Variants in DLGAP2 observed in about 807,000 individuals in gnomAD.
DLGAP2 encodes DLG associated protein 2.
In DLGAP2, 26 loss-of-function variants were observed where a neutral mutation model predicts 100.3. The observed-to-expected ratio is 0.26, with a 90% CI of 0.19 to 0.36. DLGAP2 has a LOEUF of 0.36. DLGAP2 is among the 10% of genes least tolerant of loss of function. DLGAP2 has a pLI of 1.00. For synonymous variants in DLGAP2, 886 were observed against 630.1 expected (o/e 1.41, Z -6.08); for missense variants, 1,858 against 1,453.2 (o/e 1.28, Z -4.53).
chr8:955,313 C>A (rs996851168), intron 2 of DLGAP2, among the ~76,000 whole-genome samples: 1 of 152,064 alleles, frequency 6.6e-6, no homozygotes, highest in African/African-American at 2.4e-5. Context: ...CATAGTATCC[C>A]CCTTACAGCT....
At chr8:1,310,850 A>G (rs138188431) in intron 3 of DLGAP2, among the ~76,000 whole-genome samples, 154 of 152,298 alleles carry the variant, frequency 1.0e-3, no homozygotes, top group Admixed American at 2.4e-3. Context: ...CATTTTAGCC[A>G]CAGTGACATT....
chr8:1,502,880 A>G (rs1216169098), intron 4 of DLGAP2, among the ~76,000 whole-genome samples: 1 of 152,174 alleles, frequency 6.6e-6, no homozygotes, highest in South Asian at 2.1e-4. Flanking sequence ...CTGGGGCAGC[A>G]GGAGGTACCT....
At chr8:1,537,722 A>AAAGGAAGGAAGG (rs1304358970) in intron 4 of DLGAP2, among the ~76,000 whole-genome samples, 1 of 121,338 alleles carries the variant, frequency 8.2e-6, no homozygotes, top group African/African-American at 3.1e-5. Context: ...TGGATGGATG[A>AAAGGAAGGAAGG]AAGGATGGAA....
chr8:1,408,167 C>T (rs740237), intron 3 of DLGAP2, among the ~76,000 whole-genome samples: 39,377 of 152,158 alleles, frequency 0.26, 5,217 homozygotes, highest in Middle Eastern at 0.35. Flanking sequence ...GCATCTCCAG[C>T]TAGCATTTTA....
chr8:1,458,150 C>G (rs1263719268), intron 3 of DLGAP2, among the ~76,000 whole-genome samples: 1 of 151,502 alleles, frequency 6.6e-6, no homozygotes, highest in Admixed American at 6.6e-5. Flanking sequence ...TCGTGATCCA[C>G]CCGCCTCGGC....
chr8:882,431 G>C (rs1377569326), intron 1 of DLGAP2, among the ~76,000 whole-genome samples: 1 of 138,020 alleles, frequency 7.2e-6, no homozygotes, highest in African/African-American at 2.7e-5. Flanking sequence ...ACCCTCGCCT[G>C]ATCCAGCGGT....
chr8:794,946 G>T (rs1455485952), intron 1 of DLGAP2, among the ~76,000 whole-genome samples: 1 of 152,172 alleles, frequency 6.6e-6, no homozygotes, highest in African/African-American at 2.4e-5. Context: ...TGTGTTATGC[G>T]TGTGGCTTGT....
chr8:919,094 C>A (rs1041737616), intron 2 of DLGAP2, among the ~76,000 whole-genome samples: 2 of 152,188 alleles, frequency 1.3e-5, no homozygotes, highest in South Asian at 4.1e-4. Context: ...GCATCAGCTA[C>A]TGTGTCTGGC....
Position 1,364,506 on chromosome 8 carries a change from G to GC in DLGAP2, c.106+105623_106+105624insC, listed in dbSNP as rs112493539. Among the ~76,000 whole-genome samples, 14 of 150,344 alleles carry GC rather than the reference G, an allele frequency of 9.3e-5. 1 individual carries two copies. The highest frequency in any genetic ancestry group is 3.4e-3 in the Middle Eastern group (1 of 292). On this transcript the variant is annotated intron_variant, in intron 3 of 14. Transcript: ENST00000637795. Reference sequence around the variant, plus strand: ...GGGCGCCGGTCATGGGAAGGGCGGGGGGGGTGCAGCGAAGCAGACACATTT... The same window carrying GC: ...GGGCGCCGGTCATGGGAAGGGCGGGGCGGGGTGCAGCGAAGCAGACACATTT...
chr8:1,482,175 G>A (rs779664374), intron 3 of DLGAP2, among the ~76,000 whole-genome samples: 2 of 152,240 alleles, frequency 1.3e-5, no homozygotes, highest in African/African-American at 2.4e-5. Context: ...CAAATGTGAT[G>A]TGCTTGAGAA....
chr8:1,552,020 A>G (rs939171548), intron 5 of DLGAP2, among the ~76,000 whole-genome samples: 5 of 151,962 alleles, frequency 3.3e-5, no homozygotes, highest in African/African-American at 1.2e-4. Context: ...GTTTGGAACC[A>G]GCTGGTTGGT....
intron 2 of DLGAP2, among the ~76,000 whole-genome samples, chr8:918,556 A>G (rs1798642833): frequency 1.3e-5 from 2 of 152,152 alleles, no homozygotes; most frequent in Non-Finnish European, 2.9e-5. Flanking sequence ...TCGATCCTGA[A>G]CAGGTGTACT....
intron 1 of DLGAP2, among the ~76,000 whole-genome samples, chr8:899,798 G>C (rs559188090): frequency 6.6e-6 from 1 of 152,188 alleles, no homozygotes; most frequent in Admixed American, 6.5e-5. Context: ...TCACATCTCA[G>C]GCTCATGTGG....
In DLGAP2 at chr8:1,424,262, C is replaced by T. The variant is rs1282021450; in HGVS notation, c.107-77104C>T. On this transcript the variant is annotated intron_variant, in intron 3 of 14. Transcript: ENST00000637795. ...AGAAAGTCACAGCAAAAGGGGGTCC[C>T]TTCTGTAGTCTGCATCTAACTCTTC... is the stretch of plus-strand genomic sequence containing the variant. Among the ~76,000 whole-genome samples, 4 of 152,214 alleles carry T rather than the reference C, an allele frequency of 2.6e-5. No individual in the cohort carries two copies. In the East Asian group the frequency reaches 5.8e-4, roughly 22 times the overall value.
In DLGAP2 at chr8:1,159,029, T is replaced by G. The variant is rs1357992367; in HGVS notation, c.74-99822T>G. On this transcript the variant is annotated intron_variant, in intron 2 of 14. Coordinates refer to ENST00000637795, the MANE Select transcript of DLGAP2 (RefSeq NM_001346810.2). ...TTCTGCAGAGATGAAAACACTTTCT[T>G]GTTAACCTCGATGTCAGTGAGCTTT... Among the ~76,000 whole-genome samples the G allele has an allele frequency of 3.3e-5, 5 of 152,344 alleles. No individual in the cohort carries two copies. In the East Asian group the frequency reaches 9.7e-4, roughly 29 times the overall value.
intron 5 of DLGAP2, among the ~76,000 whole-genome samples, chr8:1,563,628 G>C (rs1217627213): frequency 1.3e-5 from 2 of 152,072 alleles, no homozygotes; most frequent in East Asian, 3.8e-4. Flanking sequence ...GGGAGCTCCT[G>C]CTCGTCCAGG....
intron 2 of DLGAP2, among the ~76,000 whole-genome samples, chr8:982,167 C>G (rs913669845): frequency 1.3e-5 from 2 of 152,216 alleles, no homozygotes; most frequent in South Asian, 4.1e-4. Flanking sequence ...TTGTATAACT[C>G]CACTGTGTCT....
At chr8:1,389,953 C>G (rs1356828199) in intron 3 of DLGAP2, among the ~76,000 whole-genome samples, 2 of 152,146 alleles carry the variant, frequency 1.3e-5, no homozygotes, top group Non-Finnish European at 2.9e-5. Flanking sequence ...GCACAGACAG[C>G]TCTCCCTCAC....
chr8:1,222,650 G>C (rs1798338563), intron 2 of DLGAP2, among the ~76,000 whole-genome samples: 1 of 151,942 alleles, frequency 6.6e-6, no homozygotes, highest in South Asian at 2.1e-4. Flanking sequence ...GTGGGGGGAG[G>C]CTGCTGGTGG....
Sources: gnomAD v4.1 joint callset for allele counts (sites outside exome capture counted in the v4.1 genomes callset) on GRCh38, gnomAD v4.1.1 for gene constraint, MANE v1.5 for transcripts, NCBI Gene and HGNC (gene_info 2026-07-23, HGNC 2026-07-21) for gene names.